FGFR2: variants seen among roughly 807,000 people sequenced by gnomAD.
FGFR2 encodes BEK fibroblast growth factor receptor.
A neutral mutation model predicts 95.9 loss-of-function variants in FGFR2; 19 were observed. The observed-to-expected ratio is 0.20, with a 90% confidence interval of 0.14 to 0.29. FGFR2 has a LOEUF of 0.29. Ranked by LOEUF, FGFR2 falls within the 10% of genes least tolerant of loss-of-function variation. FGFR2 has a pLI of 1.00. For missense variants in FGFR2, 707 were observed against 1,056.9 expected, an observed-to-expected ratio of 0.67 and a Z score of 4.59; for synonymous variants, 392 against 393.3, an observed-to-expected ratio of 1.00 and a Z score of 0.04.
chr10:121,552,532 T>G (rs995962656), intron 4 of FGFR2, among the ~76,000 whole-genome samples: 1 of 152,168 alleles, frequency 6.6e-6, no homozygotes, highest in Non-Finnish European at 1.5e-5. Flanking sequence ...CAGCCAAGAT[T>G]TGAACCACAT....
chr10:121,562,361 T>C (rs1196998018), intron 4 of FGFR2, among the ~76,000 whole-genome samples: 1 of 151,722 alleles, frequency 6.6e-6, no homozygotes, highest in East Asian at 1.9e-4. Flanking sequence ...CTCGACTCAC[T>C]GCAACCTCCG....
intron 13 of FGFR2, 111 bp downstream of exon 13, chr10:121,496,421 C>T: frequency 1.9e-6 from 2 of 1,054,954 alleles, no homozygotes; most frequent in Non-Finnish European, 1.5e-6. Context: ...CCAGGTTGTA[C>T]AAGACATGCG....
intron 2 of FGFR2, among the ~76,000 whole-genome samples, chr10:121,575,350 G>A (rs1263919909): frequency 2.0e-5 from 3 of 152,028 alleles, no homozygotes; most frequent in East Asian, 1.9e-4. Flanking sequence ...TATCCCTCTT[G>A]CTTTTGATCT....
At chr10:121,582,707 C>T (rs915621520) in intron 2 of FGFR2, among the ~76,000 whole-genome samples, 2 of 152,062 alleles carry the variant, frequency 1.3e-5, no homozygotes, top group Non-Finnish European at 2.9e-5. Context: ...CGCTTGAACC[C>T]GCGAGGCAGA....
chr10:121,563,076 C>T (rs1043966770), intron 4 of FGFR2, among the ~76,000 whole-genome samples: 1 of 152,146 alleles, frequency 6.6e-6, no homozygotes, highest in Non-Finnish European at 1.5e-5. Context: ...CCTGTCTCTA[C>T]TAAAAATACA....
intron 5 of FGFR2, among the ~76,000 whole-genome samples, chr10:121,548,575 G>C (rs995892614): frequency 2.6e-5 from 4 of 152,028 alleles, no homozygotes; most frequent in Non-Finnish European, 4.4e-5. Flanking sequence ...CACTAATTCA[G>C]ATTTGCAAAA....
rs952443981 is a variant in FGFR2 at position 121,517,624 on chromosome 10, G to A, written c.940-161C>T. Among the ~76,000 whole-genome samples the A allele has an allele frequency of 3.3e-5, 5 of 151,966 alleles. No homozygotes were observed. The highest frequency in any genetic ancestry group is 9.7e-5 in the African/African-American group (4 of 41,372). On this transcript the variant is annotated intron_variant, in intron 7 of 17. Transcript: ENST00000358487. This position sits in a 1 kb window ranked among gnomAD's most constrained non-coding sequence, Gnocchi z 4.7. ...CACAAAGCCCACAACCGAGAGACAC[G>A]GAGCAACACTGACCAGCTCACCTCC...
intron 2 of FGFR2, among the ~76,000 whole-genome samples, chr10:121,585,137 C>A (rs578105746): frequency 6.6e-6 from 1 of 152,280 alleles, no homozygotes; most frequent in South Asian, 2.1e-4. Context: ...TACAGAGCTG[C>A]AACTGACTTT....
intron 8 of FGFR2, among the ~76,000 whole-genome samples, 190 bp from the exon 9 acceptor site, chr10:121,515,509 T>A (rs558360299): frequency 6.6e-6 from 1 of 151,968 alleles, no homozygotes; most frequent in African/African-American, 2.4e-5. Flanking sequence ...AGGACCCAGG[T>A]AGTCACTGTC....
At chr10:121,565,409 G>A (rs1312177613) in intron 3 of FGFR2, 29 bp downstream of exon 3, 1 of 1,613,442 alleles carries the variant, frequency 6.2e-7, no homozygotes, top group South Asian at 1.1e-5. Context: ...ACAGAGAAGA[G>A]AGAGCATAGT....
chr10:121,489,856 C>T (rs1321239633), intron 13 of FGFR2, among the ~76,000 whole-genome samples: 1 of 152,228 alleles, frequency 6.6e-6, no homozygotes, highest in Non-Finnish European at 1.5e-5. Context: ...GACTTCCACA[C>T]TGCCCGTCTA....
In FGFR2 at chr10:121,524,099, T is replaced by TACACAC. The variant is rs1491543645; in HGVS notation, c.749-3931_749-3930insGTGTGT. 9.8e-4 allele frequency among the ~76,000 whole-genome samples: 134 copies of TACACAC among 137,242 alleles called. 1 individual carries two copies. The Middle Eastern group carries it at 0.015, about 15-fold the overall frequency. 90.0% of individuals were successfully genotyped at this position (137,242 alleles called of 152,430 possible). A position where few individuals can be genotyped will look rare whatever the true frequency, so the allele number is the denominator to read the frequency against. Reference sequence around the variant, plus strand: ...TTATTCCAATGCTATCCCGGCTATGTATACACACACACACACACACACACA... The same window carrying TACACAC: ...TTATTCCAATGCTATCCCGGCTATGTACACACATACACACACACACACACACACACA... On this transcript the variant is annotated intron_variant, in intron 6 of 17. Transcript: ENST00000358487.
intron 4 of FGFR2, among the ~76,000 whole-genome samples, chr10:121,555,558 CA>C (rs1856022218): frequency 6.6e-6 from 1 of 152,136 alleles, no homozygotes; most frequent in Non-Finnish European, 1.5e-5. Flanking sequence ...GTAAAGGAAA[CA>C]AATTAACCTC....
intron 9 of FGFR2, among the ~76,000 whole-genome samples, chr10:121,506,169 C>T (rs1190829721): frequency 6.6e-6 from 1 of 151,772 alleles, no homozygotes; most frequent in Non-Finnish European, 1.5e-5. Context: ...CCAGCCTGGC[C>T]AACATGGTGA....
At chr10:121,555,570 G>C (rs1479134740) in intron 4 of FGFR2, among the ~76,000 whole-genome samples, 1 of 152,100 alleles carries the variant, frequency 6.6e-6, no homozygotes. Context: ...AATTAACCTC[G>C]ATGAGAGGTA....
chr10:121,487,535 G>C lies in FGFR2; in HGVS notation c.1987-111C>G. On this transcript the variant is annotated intron_variant, in intron 14 of 17. Transcript: ENST00000358487. ...GAGCTGATATTCTCGGTTTTTACTA[G>C]TCAGTCAATAGAGCAGAAATCAGTC... 3.6e-6 allele frequency: 3 copies of C among 824,100 alleles called. No homozygotes were observed. In the South Asian group the frequency reaches 4.4e-5, roughly 12 times the overall value. 51.0% of individuals were successfully genotyped at this position (824,100 alleles called of 1,614,324 possible).
At chr10:121,506,643 C>T (rs943409933) in intron 9 of FGFR2, among the ~76,000 whole-genome samples, 2 of 152,146 alleles carry the variant, frequency 1.3e-5, no homozygotes, top group African/African-American at 2.4e-5. Context: ...TGAAAATCAC[C>T]GCTCTCATCA....
chr10:121,517,161 C>G lies in FGFR2; in HGVS notation c.1084+158G>C, dbSNP rs1849790394. ...TGGGATCTCACTGTGTGTGAATTTCCAAGGCAGTTTTCTTATCCCTGAGGG... is the reference window on the plus strand; with the variant it reads ...TGGGATCTCACTGTGTGTGAATTTCGAAGGCAGTTTTCTTATCCCTGAGGG... On this transcript the variant is annotated intron_variant, in intron 8 of 17. Coordinates refer to ENST00000358487, the MANE Select transcript of FGFR2 (RefSeq NM_000141.5). This position sits in a 1 kb window ranked among gnomAD's most constrained non-coding sequence, Gnocchi z 4.7. 1 of 797,140 alleles carries G rather than the reference C, an allele frequency of 1.3e-6. No homozygotes were observed. The highest frequency in any genetic ancestry group is 2.1e-5 in the Admixed American group (1 of 47,442). The allele number at this position is 797,140 out of a possible 1,614,324, so 49.4% of individuals were successfully genotyped here. A position where few individuals can be genotyped will look rare whatever the true frequency, so the allele number is the denominator to read the frequency against.
rs1318113075 is a variant in FGFR2, at chr10:121,485,324, A to C, written c.2195+71T>G. 1.2e-6 allele frequency: 2 copies of C among 1,605,570 alleles called. No individual in the cohort carries two copies. The highest frequency in any genetic ancestry group is 1.7e-6 in the Non-Finnish European group (2 of 1,173,214). ...GAAACCAGGGGCCTTCAAAAACGAG[A>C]TACATCAGGAGAGGTATTACTGGTG... On this transcript the variant is annotated intron_variant, in intron 16 of 17. Coordinates refer to ENST00000358487, the MANE Select transcript of FGFR2 (RefSeq NM_000141.5). This position sits in a 1 kb window ranked among gnomAD's most constrained non-coding sequence, Gnocchi z 4.2.
Sources: gnomAD v4.1 joint callset for allele counts (sites outside exome capture counted in the v4.1 genomes callset) on GRCh38, gnomAD v4.1.1 for gene constraint, Gnocchi (gnomAD v3.1) non-coding constraint, MANE v1.5 for transcripts, NCBI Gene and HGNC (gene_info 2026-07-23, HGNC 2026-07-21) for gene names.